RERG: variants seen among roughly 807,000 people sequenced by gnomAD.
RERG encodes ras-related and estrogen-regulated growth inhibitor.
A neutral mutation model predicts 23.2 loss-of-function variants in RERG; 25 were observed. The observed-to-expected ratio is 1.08, with a 90% CI of 0.79 to 1.50. RERG has a LOEUF of 1.50. Among genes scored for constraint, RERG ranks in the 40% most tolerant of loss-of-function variants. The pLI, the probability that RERG is intolerant of heterozygous loss-of-function variation, is 0.00. For synonymous variants in RERG, 81 were observed against 89.1 expected (o/e 0.91, Z 0.51); for missense variants, 253 against 250.1 (o/e 1.01, Z -0.08).
chr12:15,129,779 G>A (rs888471129), intron 2 of RERG, among the ~76,000 whole-genome samples: 1 of 152,084 alleles, frequency 6.6e-6, no homozygotes, highest in Admixed American at 6.5e-5. Flanking sequence ...TTAGAGCCCA[G>A]ACTATAAAGT....
chr12:15,109,115 TA>T lies in RERG; in HGVS notation c.594del (p.Ser198ArgfsTer7). On this transcript the variant is annotated frameshift_variant, in exon 5 of 5. Coordinates refer to ENST00000256953, the MANE Select transcript of RERG (RefSeq NM_032918.3). LOFTEE classifies it high-confidence loss of function. Reference sequence around the variant, plus strand: ...GTCCACCTCAGCTGGGCTGCCTAACTACTGATTTTGGTGAGCATCTTGTTAA... The same window carrying T: ...GTCCACCTCAGCTGGGCTGCCTAACTCTGATTTTGGTGAGCATCTTGTTAA... ...QAINKMLTKI[S>X]S 1 of 1,584,792 alleles carries T rather than the reference TA, an allele frequency of 6.3e-7. No homozygotes were observed.
intron 2 of RERG, among the ~76,000 whole-genome samples, chr12:15,213,780 C>A (rs756100703): frequency 6.6e-6 from 1 of 152,130 alleles, no homozygotes. Flanking sequence ...TAAATATAGA[C>A]GGCCTATCTA....
At chr12:15,193,869 A>C (rs1445750382) in intron 2 of RERG, among the ~76,000 whole-genome samples, 1 of 152,086 alleles carries the variant, frequency 6.6e-6, no homozygotes, top group Non-Finnish European at 1.5e-5. Flanking sequence ...TGGATGTGTT[A>C]TTTCCTAAGT....
chr12:15,186,606 T>C (rs924878503), intron 2 of RERG, among the ~76,000 whole-genome samples: 20 of 151,056 alleles, frequency 1.3e-4, no homozygotes, highest in South Asian at 4.2e-4. Context: ...AAGGAGGAAG[T>C]GAAAAAGGAG....
intron 2 of RERG, among the ~76,000 whole-genome samples, chr12:15,190,808 C>T (rs1162753380): frequency 6.6e-6 from 1 of 152,016 alleles, no homozygotes; most frequent in Non-Finnish European, 1.5e-5. Flanking sequence ...CTTTATCATC[C>T]CATAGTTTCT....
chr12:15,199,838 A>G (rs1865192942), intron 2 of RERG, among the ~76,000 whole-genome samples: 1 of 152,120 alleles, frequency 6.6e-6, no homozygotes, highest in South Asian at 2.1e-4. Flanking sequence ...AAAGCATTCT[A>G]AGATTAAAAT....
At chr12:15,212,145 C>T (rs1029034025) in intron 2 of RERG, among the ~76,000 whole-genome samples, 2 of 147,440 alleles carry the variant, frequency 1.4e-5, no homozygotes, top group Non-Finnish European at 3.0e-5. Context: ...CTGCAAGCTC[C>T]GCTTCCCGGG....
intron 2 of RERG, among the ~76,000 whole-genome samples, chr12:15,125,274 G>C (rs10846141): frequency 6.6e-6 from 1 of 151,666 alleles, no homozygotes; most frequent in African/African-American, 2.4e-5. Flanking sequence ...ACTTTAGTCC[G>C]TTATGGGTTG....
At chr12:15,185,491 C>T (rs1864977729) in intron 2 of RERG, among the ~76,000 whole-genome samples, 1 of 152,092 alleles carries the variant, frequency 6.6e-6, no homozygotes, top group South Asian at 2.1e-4. Context: ...CCCCTACCTC[C>T]CGCTAGGTGA....
In RERG at chr12:15,217,334, T is replaced by C. The variant is rs1445627142; in HGVS notation, c.61+95A>G. 5.0e-6 allele frequency: 4 copies of C among 797,280 alleles called. No individual in the cohort carries two copies. In the African/African-American group the frequency reaches 5.2e-5, roughly 10 times the overall value. 49.4% of individuals were successfully genotyped at this position (797,280 alleles called of 1,614,324 possible). The stretch of plus-strand genomic sequence containing the variant: ...GAGTAAGAAATGAAAATAGGAGGAA[T>C]ACCAACTACTCACCTGCCCAATCCC... On this transcript the variant is annotated intron_variant, in intron 2 of 4. Coordinates refer to ENST00000256953, the MANE Select transcript of RERG (RefSeq NM_032918.3).
Position 15,108,466 on chromosome 12 carries a change from G to A in RERG, c.*644C>T, listed in dbSNP as rs1224681480. 6.6e-6 allele frequency: 1 copy of A among 152,612 alleles called. No individual in the cohort carries two copies. Among genetic ancestry groups the A allele is most frequent in the Admixed American group, 6.5e-5 (1 of 15,284 alleles). The allele number at this position is 152,612 out of a possible 1,614,324, so 9.5% of individuals were successfully genotyped here. On this transcript the variant is annotated 3_prime_UTR_variant, in exon 5 of 5. Transcript: ENST00000256953. The stretch of plus-strand genomic sequence containing the variant: ...TTGTTATAGGGAAAATATTGTTTGA[G>A]CCAAGGAAGGAGAGTTAGGGTGTAA...
At chr12:15,114,161 C>G (rs1474894961) in intron 3 of RERG, among the ~76,000 whole-genome samples, 1 of 151,794 alleles carries the variant, frequency 6.6e-6, no homozygotes, top group Non-Finnish European at 1.5e-5. Context: ...GATCTAAACT[C>G]ATCTAGATTT....
intron 2 of RERG, among the ~76,000 whole-genome samples, chr12:15,190,006 A>C (rs1267809106): frequency 6.6e-6 from 1 of 152,194 alleles, no homozygotes; most frequent in Non-Finnish European, 1.5e-5. Flanking sequence ...TACACTTCTC[A>C]GTAACAGTAA....
At chr12:15,163,131 T>C (rs1864637790) in intron 2 of RERG, among the ~76,000 whole-genome samples, 1 of 152,186 alleles carries the variant, frequency 6.6e-6, no homozygotes, top group South Asian at 2.1e-4. Context: ...CACTTTCTTT[T>C]GCAGTGAGTC....
At chr12:15,172,049 A>G (rs1864784884) in intron 2 of RERG, among the ~76,000 whole-genome samples, 1 of 152,168 alleles carries the variant, frequency 6.6e-6, no homozygotes, top group Non-Finnish European at 1.5e-5. Context: ...GTAAATTTGC[A>G]GAGTTGTACA....
intron 2 of RERG, among the ~76,000 whole-genome samples, chr12:15,161,162 G>GAAAGAAAGAAAGAAAGAAAGAA (rs1864602596): frequency 8.5e-6 from 1 of 118,320 alleles, no homozygotes; most frequent in African/African-American, 3.2e-5. Flanking sequence ...AAGAAAGAAA[G>GAAAGAAAGAAAGAAAGAAAGAA]AAAGAAAGAA....
At position 15,212,121 on chromosome 12, in the gene RERG, G is replaced by A. The variant is rs561742782; in HGVS notation, c.61+5308C>T. 8.7e-3 allele frequency among the ~76,000 whole-genome samples: 1,259 copies of A among 144,074 alleles called. 12 individuals carry two copies. The highest frequency in any genetic ancestry group is 0.015 in the Non-Finnish European group (996 of 66,010). The allele number at this position is 144,074 out of a possible 152,430, so 94.5% of individuals were successfully genotyped here. A position where few individuals can be genotyped will look rare whatever the true frequency, so the allele number is the denominator to read the frequency against. ...AGGCCGGACTGCGGACTGCAGTGGCGGAATCTCGGCTCACTGCAAGCTCCG... is the reference window on the plus strand; with the variant it reads ...AGGCCGGACTGCGGACTGCAGTGGCAGAATCTCGGCTCACTGCAAGCTCCG... On this transcript the variant is annotated intron_variant, in intron 2 of 4. Coordinates refer to ENST00000256953, the MANE Select transcript of RERG (RefSeq NM_032918.3).
intron 2 of RERG, among the ~76,000 whole-genome samples, chr12:15,166,330 T>C (rs1291531214): frequency 6.6e-6 from 1 of 152,200 alleles, no homozygotes; most frequent in African/African-American, 2.4e-5. Flanking sequence ...ATTCACACAA[T>C]TCATCCAATT....
intron 2 of RERG, among the ~76,000 whole-genome samples, chr12:15,122,166 G>A (rs1339051048): frequency 1.3e-5 from 2 of 152,030 alleles, no homozygotes. Flanking sequence ...ATAGACCCCT[G>A]ATGGCCTCCC....
Sources: allele counts gnomAD v4.1 joint callset (sites outside exome capture counted in the v4.1 genomes callset), GRCh38; gene constraint gnomAD v4.1.1; transcripts MANE v1.5; gene names NCBI Gene and HGNC (gene_info 2026-07-23, HGNC 2026-07-21).